IKBKE: variants seen among roughly 807,000 people sequenced by gnomAD.
IKBKE encodes the protein inhibitor of nuclear factor kappa-B kinase subunit epsilon.
IKBKE carries 45 observed loss-of-function variants against 92.1 expected under a neutral mutation model. The observed-to-expected ratio is 0.49, with a 90% CI of 0.38 to 0.63. The LOEUF is 0.63. Ranked by LOEUF, IKBKE falls within the 20% of genes least tolerant of loss-of-function variation. IKBKE has a pLI of 0.00. For synonymous variants in IKBKE, 374 were observed against 380.3 expected (o/e 0.98, Z 0.19); for missense variants, 700 against 932.8 (o/e 0.75, Z 3.25).
intron 13 of IKBKE, among the ~76,000 whole-genome samples, chr1:206,483,838 G>T (rs782361746): frequency 6.6e-6 from 1 of 152,142 alleles, no homozygotes; most frequent in Admixed American, 6.6e-5. Context: ...CACATCTGCT[G>T]TCCCACCTTC....
rs782720968 is a variant in IKBKE at position 206,491,750 on chromosome 1, G to T, written c.1835+1G>T. 3.1e-6 allele frequency: 5 copies of T among 1,609,292 alleles called. No individual in the cohort carries two copies. The highest frequency in any genetic ancestry group is 4.3e-6 in the Non-Finnish European group (5 of 1,176,260). ...TAGTCACACACGGCAAGAGGATGAG[G>T]TAACAGCCCCTCCTGAGCTCCTGGA... On this transcript the variant is annotated splice_donor_variant, in intron 18 of 21. Coordinates refer to ENST00000581977, the MANE Select transcript of IKBKE (RefSeq NM_014002.4). LOFTEE classifies it high-confidence loss of function.
At position 206,493,483 on chromosome 1, in the gene IKBKE, T is replaced by C. The variant is rs41299866; in HGVS notation, c.2045+105T>C. On this transcript the variant is annotated intron_variant, in intron 20 of 21. Coordinates refer to ENST00000581977, the MANE Select transcript of IKBKE (RefSeq NM_014002.4). ...GAGGGGTTTGGCGTCATGCCAGGCC[T>C]AGGAGGCAAGATTAAAGAGACTAGC... 2.5e-3 allele frequency: 2,058 copies of C among 826,832 alleles called. 32 individuals are homozygous for C. In the African/African-American group the frequency reaches 0.031, roughly 13 times the overall value. 51.2% of individuals were successfully genotyped at this position (826,832 alleles called of 1,614,324 possible). A position where few individuals can be genotyped will look rare whatever the true frequency, so the allele number is the denominator to read the frequency against.
chr1:206,471,408 G>C (rs2103443355), intron 2 of IKBKE, among the ~76,000 whole-genome samples, 163 bp downstream of exon 2: 1 of 152,262 alleles, frequency 6.6e-6, no homozygotes, highest in South Asian at 2.1e-4. Flanking sequence ...GTGGGGGGAG[G>C]ATCTGCAGAG....
At chr1:206,486,247 A>G (rs188916852) in intron 15 of IKBKE, among the ~76,000 whole-genome samples, 42 of 152,350 alleles carry the variant, frequency 2.8e-4, no homozygotes, top group Non-Finnish European at 2.2e-4. Flanking sequence ...TGCCTTTCTG[A>G]TATCAGAAGA....
Position 206,476,407 on chromosome 1 carries a change from C to T in IKBKE, c.540+45C>T. 5 of 1,554,458 alleles carry T rather than the reference C, an allele frequency of 3.2e-6. No individual in the cohort carries two copies. Among genetic ancestry groups the T allele is most frequent in the Non-Finnish European group, 4.4e-6 (5 of 1,141,560 alleles). ...CCCGCTGCCCTATGCTGAGGGCTCC[C>T]CTTGCCTTGTGAGCCCCCCAGAGCC... On this transcript the variant is annotated intron_variant, in intron 6 of 21. Transcript: ENST00000581977. This position sits in a 1 kb window ranked among gnomAD's most constrained non-coding sequence, Gnocchi z 5.1.
chr1:206,473,694 TG>T (rs1246985523), intron 3 of IKBKE, among the ~76,000 whole-genome samples: 3 of 152,072 alleles, frequency 2.0e-5, no homozygotes, highest in Admixed American at 6.5e-5. Context: ...CCGGGCACGG[TG>T]GCTTATGCCT....
intron 13 of IKBKE, among the ~76,000 whole-genome samples, chr1:206,482,560 T>A (rs1299237479): frequency 6.6e-6 from 1 of 152,114 alleles, no homozygotes; most frequent in African/African-American, 2.4e-5. Flanking sequence ...AGAGCTGGGG[T>A]CAGGCAAGTG....
chr1:206,488,681 T>A (rs1355854834), intron 16 of IKBKE, among the ~76,000 whole-genome samples: 1 of 152,054 alleles, frequency 6.6e-6, no homozygotes, highest in Non-Finnish European at 1.5e-5. Context: ...CTCCCCCTCC[T>A]CTCCCAGGCC....
intron 12 of IKBKE, 132 bp downstream of exon 12, chr1:206,480,245 T>C (rs1195713994): frequency 6.0e-6 from 1 of 166,480 alleles, no homozygotes; most frequent in South Asian, 3.4e-5. Context: ...GAGGAGGGGG[T>C]GGGCAGGAGA....
Position 206,478,440 on chromosome 1 carries a change from T to A in IKBKE, c.992+101T>A. The A allele has an allele frequency of 8.3e-7, 1 of 1,207,794 alleles. No homozygotes were observed. Among genetic ancestry groups the A allele is most frequent in the Non-Finnish European group, 1.2e-6 (1 of 840,452 alleles). 74.8% of individuals were successfully genotyped at this position (1,207,794 alleles called of 1,614,324 possible). ...CCCACAGTACGTTCTGAGGAGTGTG[T>A]ACATAGGAACGCTTCCAGGTCCAAA... On this transcript the variant is annotated intron_variant, in intron 9 of 21. Transcript: ENST00000581977. This position sits in a 1 kb window ranked among gnomAD's most constrained non-coding sequence, Gnocchi z 4.8.
Position 206,485,263 on chromosome 1 carries a change from C to A in IKBKE, c.1573C>A (p.Arg525=). ...ETQESLSSLN[R]ELVKSRDQVH... Reference sequence around the variant, plus strand: ...CCAGGAGAGCCTGAGCAGCCTGAACCGGGAGCTGGTGAAGAGCCGGGATCA... The same window carrying A: ...CCAGGAGAGCCTGAGCAGCCTGAACAGGGAGCTGGTGAAGAGCCGGGATCA... Residue 525 remains arginine, a synonymous_variant, in exon 15 of 22, where the codon CGG becomes AGG. Transcript: ENST00000581977. The surrounding 1 kb of genome is among the most constrained non-coding windows in gnomAD (Gnocchi z 5.0). 1 of 1,613,834 alleles carries A rather than the reference C, an allele frequency of 6.2e-7. No individual in the cohort carries two copies. The highest frequency in any genetic ancestry group is 8.5e-7 in the Non-Finnish European group (1 of 1,179,722).
intron 21 of IKBKE, 117 bp downstream of exon 21, chr1:206,494,108 G>A (rs2184030): frequency 0.44 from 344,110 of 784,648 alleles, 77,758 homozygotes; most frequent in South Asian, 0.53. Context: ...GTCCATTTTC[G>A]AAGAAGCCCT....
chr1:206,478,827 C>G lies in IKBKE; in HGVS notation c.993-116C>G, dbSNP rs1661129861. ...GAGAAAACCACCCCCGTCCCTCCCT[C>G]TGCAAAACAGAGCCCTGTCTATGGG... On this transcript the variant is annotated intron_variant, in intron 9 of 21. Transcript: ENST00000581977. This position sits in a 1 kb window ranked among gnomAD's most constrained non-coding sequence, Gnocchi z 4.8. The G allele has an allele frequency of 1.2e-6, 1 of 819,850 alleles. No individual in the cohort carries two copies. Among genetic ancestry groups the G allele is most frequent in the African/African-American group, 1.7e-5 (1 of 59,892 alleles). 50.8% of individuals were successfully genotyped at this position (819,850 alleles called of 1,614,324 possible).
chr1:206,474,178 C>T lies in IKBKE; in HGVS notation c.88-153C>T, dbSNP rs574327452. On this transcript the variant is annotated intron_variant, in intron 3 of 21. Transcript: ENST00000581977. ...TACCCCTTGAGAGGGAAAGGCGGTGCGGATGGGAGCCCCCATCCAACCAGG... is the reference window on the plus strand; with the variant it reads ...TACCCCTTGAGAGGGAAAGGCGGTGTGGATGGGAGCCCCCATCCAACCAGG... Among the ~76,000 whole-genome samples, 343 of 152,188 alleles carry T rather than the reference C, an allele frequency of 2.3e-3. 3 individuals carry two copies. Among genetic ancestry groups the T allele is most frequent in the Non-Finnish European group, 3.4e-3 (228 of 67,994 alleles).
chr1:206,471,805 A>G (rs1201336357), intron 2 of IKBKE, among the ~76,000 whole-genome samples: 1 of 152,282 alleles, frequency 6.6e-6, no homozygotes, highest in Admixed American at 6.5e-5. Context: ...AAATGACATT[A>G]TCAAGGATTT....
chr1:206,496,252 C>T lies in IKBKE; in HGVS notation c.*107C>T. On this transcript the variant is annotated 3_prime_UTR_variant, in exon 22 of 22. Coordinates refer to ENST00000581977, the MANE Select transcript of IKBKE (RefSeq NM_014002.4). ...CAAGATCCCATCCCATCACATCAGC[C>T]TACCTCCCTCCTGGCTGCTGGCCAG... 1.2e-5 allele frequency: 11 copies of T among 898,662 alleles called. No individual in the cohort carries two copies. Among genetic ancestry groups the T allele is most frequent in the Non-Finnish European group, 2.0e-5 (11 of 538,508 alleles). The allele number at this position is 898,662 out of a possible 1,614,324, so 55.7% of individuals were successfully genotyped here. A position where few individuals can be genotyped will look rare whatever the true frequency, so the allele number is the denominator to read the frequency against.
chr1:206,487,471 T>C lies in IKBKE; in HGVS notation c.1617-443T>C, dbSNP rs1004582934. On this transcript the variant is annotated intron_variant, in intron 15 of 21. Transcript: ENST00000581977. This position sits in a 1 kb window ranked among gnomAD's most constrained non-coding sequence, Gnocchi z 5.3. ...ACATTGGGTAAACCAAGAAGCTATA[T>C]TCTTCTGCTTTTTCCAGTTGACCAG... Among the ~76,000 whole-genome samples, 1 of 152,186 alleles carries C rather than the reference T, an allele frequency of 6.6e-6. No homozygotes were observed. The highest frequency in any genetic ancestry group is 1.5e-5 in the Non-Finnish European group (1 of 68,036).
At chr1:206,483,838 G>A (rs782361746) in intron 13 of IKBKE, among the ~76,000 whole-genome samples, 3 of 152,142 alleles carry the variant, frequency 2.0e-5, no homozygotes, top group Non-Finnish European at 2.9e-5. Context: ...CACATCTGCT[G>A]TCCCACCTTC....
At chr1:206,480,352 CAGG>C in intron 12 of IKBKE, 92 bp from the exon 13 acceptor site, 1 of 1,078,038 alleles carries the variant, frequency 9.3e-7, no homozygotes, top group Non-Finnish European at 1.4e-6. Flanking sequence ...GGGAGGCCGG[CAGG>C]AGGTGGAGGC....
Sources: gnomAD v4.1 joint callset for allele counts (sites outside exome capture counted in the v4.1 genomes callset) on GRCh38, gnomAD v4.1.1 for gene constraint, Gnocchi (gnomAD v3.1) non-coding constraint, MANE v1.5 for transcripts, NCBI Gene and HGNC (gene_info 2026-07-23, HGNC 2026-07-21) for gene names.